The following TECPR2 variants were observed in gnomAD, a reference collection of about 807,000 sequenced individuals.
TECPR2 encodes tectonin beta-propeller repeat containing 2, also known as tectonin beta-propeller repeat-containing protein 2.
In TECPR2, 65 loss-of-function variants were observed where a neutral mutation model predicts 138.1. The observed-to-expected ratio is 0.47, with a 90% CI of 0.39 to 0.58. The LOEUF (loss-of-function observed/expected upper bound fraction) is 0.58, where lower values mean the gene tolerates loss of function less well. Among genes scored for constraint, TECPR2 ranks in the 20% least tolerant of loss-of-function variants. TECPR2 has a pLI of 0.00. For missense variants in TECPR2, 1,553 were observed against 1,824.5 expected, an observed-to-expected ratio of 0.85 and a Z score of 2.71; for synonymous variants, 746 against 749.8, an observed-to-expected ratio of 0.99 and a Z score of 0.08.
chr14:102,401,439 C>CAA (rs35011003), intron 2 of TECPR2, among the ~76,000 whole-genome samples: 23 of 57,028 alleles, frequency 4.0e-4, no homozygotes, highest in South Asian at 5.7e-4. Context: ...AACTCCATCT[C>CAA]AAAAAAAAAA....
intron 17 of TECPR2, among the ~76,000 whole-genome samples, chr14:102,469,062 T>C (rs1004712821): frequency 1.3e-5 from 2 of 152,190 alleles, no homozygotes; most frequent in Admixed American, 6.5e-5. Context: ...TTTTTCAAGA[T>C]TTTTTCAGCT....
At chr14:102,454,380 C>G (rs1285406422) in intron 16 of TECPR2, among the ~76,000 whole-genome samples, 1 of 152,206 alleles carries the variant, frequency 6.6e-6, no homozygotes, top group Non-Finnish European at 1.5e-5. Flanking sequence ...GAAAAGGCCC[C>G]TGAACACTAA....
At chr14:102,448,097 C>CAT (rs1890035242) in intron 13 of TECPR2, among the ~76,000 whole-genome samples, 1 of 151,732 alleles carries the variant, frequency 6.6e-6, no homozygotes, top group South Asian at 2.1e-4. Context: ...TACTTGTAAC[C>CAT]ATATATATAC....
chr14:102,385,377 G>A (rs1483514026), intron 2 of TECPR2, among the ~76,000 whole-genome samples: 1 of 152,026 alleles, frequency 6.6e-6, no homozygotes, highest in East Asian at 1.9e-4. Flanking sequence ...GCCACTTTGG[G>A]GATCAGACTT....
intron 10 of TECPR2, 119 bp from the exon 11 acceptor site, chr14:102,440,317 G>A (rs1202273955): frequency 7.3e-7 from 1 of 1,377,916 alleles, no homozygotes; most frequent in African/African-American, 1.5e-5. Flanking sequence ...CCCACTTGGG[G>A]GGACAGAACA....
intron 2 of TECPR2, among the ~76,000 whole-genome samples, chr14:102,386,582 G>A (rs1353440991): frequency 6.6e-6 from 1 of 152,068 alleles, no homozygotes; most frequent in Non-Finnish European, 1.5e-5. Context: ...CATAGGAAAA[G>A]GTCTGAAGGA....
At position 102,376,705 on chromosome 14, in the gene TECPR2, C is replaced by G. The variant is rs771941575; in HGVS notation, c.-17C>G. On this transcript the variant is annotated 5_prime_UTR_variant, in exon 2 of 20. Coordinates refer to ENST00000359520, the MANE Select transcript of TECPR2 (RefSeq NM_014844.5). The stretch of plus-strand genomic sequence containing the variant: ...ATTCCTTTTCCTGCGTGAAGATAGT[C>G]TGTGGAAACCTTGGCCATGGCATCG... 1.2e-6 allele frequency: 2 copies of G among 1,611,180 alleles called. No homozygotes were observed. Among genetic ancestry groups the G allele is most frequent in the African/African-American group, 2.7e-5 (2 of 74,996 alleles).
At chr14:102,383,014 T>C (rs751540070) in intron 2 of TECPR2, among the ~76,000 whole-genome samples, 11 of 152,168 alleles carry the variant, frequency 7.2e-5, no homozygotes, top group African/African-American at 2.4e-5. Context: ...CACCTCGGCC[T>C]CCCAAAGTGC....
chr14:102,415,973 G>C lies in TECPR2; in HGVS notation c.638+1180G>C, dbSNP rs1889014471. 6.6e-6 allele frequency among the ~76,000 whole-genome samples: 1 copy of C among 152,150 alleles called. No individual in the cohort carries two copies. The highest frequency in any genetic ancestry group is 2.4e-5 in the African/African-American group (1 of 41,426). ...GGCGGAGCCAGCCCCTGTGGTCGTA[G>C]TCACTGCCCGTTATTCTGTGTTCTG... On this transcript the variant is annotated intron_variant, in intron 5 of 19. Transcript: ENST00000359520. This position sits in a 1 kb window ranked among gnomAD's most constrained non-coding sequence, Gnocchi z 4.3.
chr14:102,436,021 C>T (rs949285262), intron 9 of TECPR2, among the ~76,000 whole-genome samples: 42 of 152,220 alleles, frequency 2.8e-4, no homozygotes, highest in Admixed American at 2.6e-3. Flanking sequence ...AGCAGTGTGA[C>T]GCTTTGTCAG....
intron 2 of TECPR2, among the ~76,000 whole-genome samples, chr14:102,402,165 T>A (rs1187657953): frequency 6.6e-6 from 1 of 152,166 alleles, no homozygotes; most frequent in Non-Finnish European, 1.5e-5. Context: ...CAAATTAGTG[T>A]CAATAGATTT....
At chr14:102,464,493 A>G (rs555500512) in intron 16 of TECPR2, among the ~76,000 whole-genome samples, 5 of 151,948 alleles carry the variant, frequency 3.3e-5, no homozygotes, top group Non-Finnish European at 5.9e-5. Flanking sequence ...CCTGGGCCCA[A>G]CCGATCTCAG....
intron 6 of TECPR2, among the ~76,000 whole-genome samples, chr14:102,427,634 G>A (rs1251487291): frequency 6.6e-6 from 1 of 152,156 alleles, no homozygotes; most frequent in East Asian, 1.9e-4. Context: ...TAATGCTGGA[G>A]GAACCTCCCC....
At chr14:102,458,074 G>A (rs1279418579) in intron 16 of TECPR2, among the ~76,000 whole-genome samples, 2 of 151,728 alleles carry the variant, frequency 1.3e-5, no homozygotes, top group Non-Finnish European at 2.9e-5. Context: ...GTGTTTCACT[G>A]TGTTGGCCAG....
chr14:102,479,506 T>C (rs1890837885), intron 17 of TECPR2, among the ~76,000 whole-genome samples: 1 of 152,118 alleles, frequency 6.6e-6, no homozygotes, highest in Non-Finnish European at 1.5e-5. Flanking sequence ...GTGGGGGCTG[T>C]TGGAGGCTCT....
In TECPR2 at chr14:102,497,685, G is replaced by T; in HGVS notation, c.4047G>T (p.Trp1349Cys). 1 of 1,609,508 alleles carries T rather than the reference G, an allele frequency of 6.2e-7. No individual in the cohort carries two copies. Among genetic ancestry groups the T allele is most frequent in the Non-Finnish European group, 8.5e-7 (1 of 1,178,352 alleles). ...ACAAGAACCCCGCCGGGGACTACTG[G>T]AAGAAAATTCCCGGCAGCGTGTCGT... ...VTDKNPAGDY[W>C]KKIPGSVSCF... The change falls in exon 19 of 20, where the codon TGG becomes TGT. Residue 1349 changes from tryptophan to cysteine, a missense_variant. Coordinates refer to ENST00000359520, the MANE Select transcript of TECPR2 (RefSeq NM_014844.5).
In TECPR2 at chr14:102,502,234, G is replaced by A. The variant is rs185842878; in HGVS notation, c.*3977G>A. Reference sequence around the variant, plus strand: ...AAATCAGAGGGAGAAAGGGAGAGAAGGGGGAGGGAGACAACCCAAACGTTG... The same window carrying A: ...AAATCAGAGGGAGAAAGGGAGAGAAAGGGGAGGGAGACAACCCAAACGTTG... On this transcript the variant is annotated 3_prime_UTR_variant, in exon 20 of 20. Coordinates refer to ENST00000359520, the MANE Select transcript of TECPR2 (RefSeq NM_014844.5). 2 of 152,634 alleles carry A rather than the reference G, an allele frequency of 1.3e-5. No individual in the cohort carries two copies. The highest frequency in any genetic ancestry group is 2.4e-5 in the African/African-American group (1 of 41,578). 9.5% of individuals were successfully genotyped at this position (152,634 alleles called of 1,614,324 possible). A position where few individuals can be genotyped will look rare whatever the true frequency, so the allele number is the denominator to read the frequency against.
chr14:102,471,621 G>A (rs1048104682), intron 17 of TECPR2, among the ~76,000 whole-genome samples: 4 of 151,816 alleles, frequency 2.6e-5, no homozygotes, highest in African/African-American at 9.7e-5. Flanking sequence ...AGAATTGCTT[G>A]AGCCCAGGAG....
At chr14:102,404,227 C>T (rs1037814174) in intron 2 of TECPR2, among the ~76,000 whole-genome samples, 2 of 152,034 alleles carry the variant, frequency 1.3e-5, no homozygotes, top group Non-Finnish European at 2.9e-5. Flanking sequence ...TTAAGCTGTC[C>T]ATACCACCCA....
Sources: gnomAD v4.1 joint callset for allele counts (sites outside exome capture counted in the v4.1 genomes callset) on GRCh38, gnomAD v4.1.1 for gene constraint, Gnocchi (gnomAD v3.1) non-coding constraint, MANE v1.5 for transcripts, NCBI Gene and HGNC (gene_info 2026-07-23, HGNC 2026-07-21) for gene names.